Variants in ACVR2A observed in about 807,000 individuals in gnomAD.
The protein encoded by ACVR2A is activin receptor type-2A.
A neutral mutation model predicts 61.4 loss-of-function variants in ACVR2A; 7 were observed. The observed-to-expected ratio is 0.11, with a 90% CI of 0.06 to 0.21. The LOEUF (loss-of-function observed/expected upper bound fraction) is 0.21. Among genes scored for constraint, ACVR2A ranks in the 10% least tolerant of loss-of-function variants. The pLI is 1.00. For missense variants in ACVR2A, 322 were observed against 621.7 expected (o/e 0.52, Z 5.13); for synonymous variants, 193 against 208.3 (o/e 0.93, Z 0.63).
rs559775390 is a variant in ACVR2A, at chr2:147,922,142, A to G, written c.1078-831A>G. 2.0e-5 allele frequency among the ~76,000 whole-genome samples: 3 copies of G among 152,236 alleles called. No individual in the cohort carries two copies. The East Asian group carries it at 5.8e-4, about 29-fold the overall frequency. On this transcript the variant is annotated intron_variant, in intron 8 of 10. Transcript: ENST00000241416. ...ATTATTCTGAGTAGTAAATTTTTTAAAAGTAGAGCCACTTTTCCCTTTAAT... is the reference window on the plus strand; with the variant it reads ...ATTATTCTGAGTAGTAAATTTTTTAGAAGTAGAGCCACTTTTCCCTTTAAT...
chr2:147,889,259 G>A (rs963615018), intron 1 of ACVR2A, among the ~76,000 whole-genome samples: 8 of 152,082 alleles, frequency 5.3e-5, no homozygotes, highest in African/African-American at 1.9e-4. Context: ...AGAGATACCG[G>A]TCTGTGTTTT....
intron 9 of ACVR2A, chr2:147,925,827 CA>C (rs1259414041): frequency 1.0e-5 from 5 of 478,920 alleles, no homozygotes; most frequent in Admixed American, 3.7e-5. Flanking sequence ...AATTACATGC[CA>C]AATTATAGGC....
upstream of ACVR2A, chr2:147,844,975 C>T (rs12470438): frequency 5.7e-4 from 73 of 127,128 alleles, no homozygotes; most frequent in African/African-American, 2.2e-3. Context: ...TCTTTTTTTT[C>T]TTTTTTTTTT....
At chr2:147,868,092 A>T (rs1685911036) in intron 1 of ACVR2A, among the ~76,000 whole-genome samples, 1 of 152,132 alleles carries the variant, frequency 6.6e-6, no homozygotes, top group Non-Finnish European at 1.5e-5. Flanking sequence ...AGTTTTTCTC[A>T]TTCATCTCTG....
chr2:147,890,654 C>G (rs1686560532), intron 1 of ACVR2A, among the ~76,000 whole-genome samples: 1 of 151,942 alleles, frequency 6.6e-6, no homozygotes, highest in African/African-American at 2.4e-5. Context: ...TAGAATAAAC[C>G]TATGGGTAGA....
Position 147,927,320 on chromosome 2 carries a change from A to G in ACVR2A, c.*46A>G, listed in dbSNP as rs1687527393. On this transcript the variant is annotated 3_prime_UTR_variant, in exon 11 of 11. Coordinates refer to ENST00000241416, the MANE Select transcript of ACVR2A (RefSeq NM_001616.5). ...ACTAAGAAATGGGACTCTGAACTGG[A>G]GCTGCTAAGCTAAAGAAACTGCTTA... 3 of 1,527,320 alleles carry G rather than the reference A, an allele frequency of 2.0e-6. No homozygotes were observed. Among genetic ancestry groups the G allele is most frequent in the Non-Finnish European group, 2.7e-6 (3 of 1,130,514 alleles). 94.6% of individuals were successfully genotyped at this position (1,527,320 alleles called of 1,614,324 possible). A position where few individuals can be genotyped will look rare whatever the true frequency, so the allele number is the denominator to read the frequency against.
In ACVR2A at chr2:147,881,425, G is replaced by A. The variant is rs1480697348; in HGVS notation, c.56-14876G>A. On this transcript the variant is annotated intron_variant, in intron 1 of 10. Coordinates refer to ENST00000241416, the MANE Select transcript of ACVR2A (RefSeq NM_001616.5). ...AGATGAAATGATTCTTGGTTCTGATGCCTTCATATTGTAATTTTTCTGCCT... is the reference window on the plus strand; with the variant it reads ...AGATGAAATGATTCTTGGTTCTGATACCTTCATATTGTAATTTTTCTGCCT... 2.0e-5 allele frequency among the ~76,000 whole-genome samples: 3 copies of A among 151,908 alleles called. 1 individual carries two copies. The highest frequency in any genetic ancestry group is 2.0e-4 in the Admixed American group (3 of 15,256).
intron 1 of ACVR2A, among the ~76,000 whole-genome samples, chr2:147,870,206 A>C (rs900075488): frequency 6.6e-6 from 1 of 152,082 alleles, no homozygotes; most frequent in African/African-American, 2.4e-5. Context: ...ACCTATAAGA[A>C]AACCTTCTAT....
intron 1 of ACVR2A, among the ~76,000 whole-genome samples, chr2:147,873,222 A>G (rs1686066626): frequency 6.6e-6 from 1 of 151,966 alleles, no homozygotes; most frequent in Admixed American, 6.6e-5. Context: ...GAGTGGTGCT[A>G]CAAAAGAAAT....
chr2:147,871,057 AC>A (rs1231016032), intron 1 of ACVR2A, among the ~76,000 whole-genome samples: 4 of 151,736 alleles, frequency 2.6e-5, no homozygotes, highest in Non-Finnish European at 5.9e-5. Context: ...GCAGAAAAAG[AC>A]TCTTCTATTT....
At chr2:147,860,733 A>G (rs565149908) in intron 1 of ACVR2A, among the ~76,000 whole-genome samples, 1 of 152,314 alleles carries the variant, frequency 6.6e-6, no homozygotes, top group Admixed American at 6.5e-5. Context: ...AAGATGAGAG[A>G]TCCTTACAGA....
chr2:147,916,013 T>A (rs1185579139), intron 5 of ACVR2A, among the ~76,000 whole-genome samples: 1 of 151,924 alleles, frequency 6.6e-6, no homozygotes, highest in Non-Finnish European at 1.5e-5. Context: ...TACTGACGTC[T>A]TGGCTGGATT....
At chr2:147,899,038 T>G (rs942898378) in intron 2 of ACVR2A, among the ~76,000 whole-genome samples, 7 of 152,096 alleles carry the variant, frequency 4.6e-5, no homozygotes, top group African/African-American at 1.7e-4. Flanking sequence ...CATACACAGT[T>G]TTATATATAG....
chr2:147,899,390 A>G (rs1029736207), intron 2 of ACVR2A, 68 bp from the exon 3 acceptor site: 3 of 999,840 alleles, frequency 3.0e-6, no homozygotes, highest in East Asian at 2.8e-5. Flanking sequence ...ATTGCAGAAT[A>G]AAAACACTTG....
intron 4 of ACVR2A, among the ~76,000 whole-genome samples, chr2:147,914,432 A>T (rs1282155744): frequency 6.6e-6 from 1 of 151,944 alleles, no homozygotes; most frequent in Admixed American, 6.6e-5. Flanking sequence ...CTCTATTTTT[A>T]AAAAACTATA....
intron 9 of ACVR2A, among the ~76,000 whole-genome samples, chr2:147,925,306 A>G (rs760124168): frequency 1.3e-5 from 2 of 151,980 alleles, no homozygotes; most frequent in Admixed American, 6.6e-5. Context: ...TAATATATGT[A>G]AAGTTTCTGA....
chr2:147,862,468 C>T (rs1462220424), intron 1 of ACVR2A, among the ~76,000 whole-genome samples: 2 of 152,078 alleles, frequency 1.3e-5, no homozygotes, highest in Non-Finnish European at 1.5e-5. Flanking sequence ...CTGGGCAGGG[C>T]ACCATGGCTT....
chr2:147,859,163 C>A (rs557128495), intron 1 of ACVR2A, among the ~76,000 whole-genome samples: 3 of 152,212 alleles, frequency 2.0e-5, no homozygotes, highest in Admixed American at 6.5e-5. Context: ...TGTTTTACCC[C>A]CAAGAATAAC....
In ACVR2A at chr2:147,854,938, G is replaced by A. The variant is rs781102203; in HGVS notation, c.55+9731G>A. 1.6e-4 allele frequency among the ~76,000 whole-genome samples: 24 copies of A among 152,114 alleles called. No homozygotes were observed. In the Middle Eastern group the frequency reaches 0.031, roughly 194 times the overall value. ...GCTCTGTTGGCCAGGCTGGAGTGCA[G>A]TGGTGCAATCTTGGCTTACCACAAC... On this transcript the variant is annotated intron_variant, in intron 1 of 10. Transcript: ENST00000241416.
Sources: gnomAD v4.1 joint callset for allele counts (sites outside exome capture counted in the v4.1 genomes callset) on GRCh38, gnomAD v4.1.1 for gene constraint, MANE v1.5 for transcripts, NCBI Gene and HGNC (gene_info 2026-07-23, HGNC 2026-07-21) for gene names.